The following CNTNAP3B variants were observed in gnomAD, a reference collection of about 807,000 sequenced individuals.
CNTNAP3B encodes contactin-associated protein-like 3B.
CNTNAP3B carries 25 observed loss-of-function variants against 108.9 expected under a neutral mutation model. The observed-to-expected ratio is 0.23, with a 90% CI of 0.17 to 0.32. The LOEUF (loss-of-function observed/expected upper bound fraction) is 0.32, where lower values mean the gene tolerates loss of function less well. CNTNAP3B is among the 10% of genes least tolerant of loss of function. CNTNAP3B has a pLI of 1.00. For synonymous variants in CNTNAP3B, 103 were observed against 473.4 expected, an observed-to-expected ratio of 0.22 and a Z score of 10.16; for missense variants, 252 against 1,210.4, an observed-to-expected ratio of 0.21 and a Z score of 11.75.
intron 3 of CNTNAP3B, among the ~76,000 whole-genome samples, chr9:42,071,317 G>T (rs1333579589): frequency 6.9e-6 from 1 of 145,220 alleles, no homozygotes; most frequent in South Asian, 2.2e-4. Flanking sequence ...ATTTACCCAA[G>T]AAATGAATTG....
Position 41,951,512 on chromosome 9 carries a change from T to G in CNTNAP3B, c.2080+1671A>C, listed in dbSNP as rs1401760737. Among the ~76,000 whole-genome samples the G allele has an allele frequency of 2.0e-5, 3 of 152,068 alleles. No homozygotes were observed. In the East Asian group the frequency reaches 5.8e-4, roughly 29 times the overall value. On this transcript the variant is annotated intron_variant, in intron 13 of 23. Coordinates refer to ENST00000377561, the MANE Select transcript of CNTNAP3B (RefSeq NM_001201380.3). Reference sequence around the variant, plus strand: ...TTACTTACTGAACTTATGTAAGATATCTCATTTATAAAAGAAACCCCATGA... The same window carrying G: ...TTACTTACTGAACTTATGTAAGATAGCTCATTTATAAAAGAAACCCCATGA...
rs565958862 is a variant in CNTNAP3B, at chr9:41,954,794, C to T, written c.1877-1408G>A. On this transcript the variant is annotated intron_variant, in intron 12 of 23. Transcript: ENST00000377561. Reference sequence around the variant, plus strand: ...TGCCTCCTGGGTTCAAGCAGTTCTCCTGTCTCAGCCTCACAAGTAGCTGGG... The same window carrying T: ...TGCCTCCTGGGTTCAAGCAGTTCTCTTGTCTCAGCCTCACAAGTAGCTGGG... Among the ~76,000 whole-genome samples, 6 of 152,384 alleles carry T rather than the reference C, an allele frequency of 3.9e-5. 1 individual carries two copies. The highest frequency in any genetic ancestry group is 1.4e-4 in the African/African-American group (6 of 41,590).
chr9:41,913,413 T>C (rs1289958312), intron 18 of CNTNAP3B, among the ~76,000 whole-genome samples: 1 of 151,874 alleles, frequency 6.6e-6, no homozygotes, highest in Non-Finnish European at 1.5e-5. Flanking sequence ...TGTGTTTCAT[T>C]TGTTTTCTTT....
intron 3 of CNTNAP3B, among the ~76,000 whole-genome samples, chr9:42,051,848 A>C (rs1461522542): frequency 2.6e-5 from 4 of 152,106 alleles, no homozygotes; most frequent in Non-Finnish European, 5.9e-5. Flanking sequence ...GCCGTTCCTA[A>C]ACCTGAATTT....
chr9:41,940,176 A>G, intron 13 of CNTNAP3B, among the ~76,000 whole-genome samples: 1 of 152,420 alleles, frequency 6.6e-6, no homozygotes, highest in Non-Finnish European at 1.5e-5. Flanking sequence ...AGTGTGCTGA[A>G]AGAGTACTGA....
chr9:41,958,199 C>T (rs1186070151), intron 12 of CNTNAP3B, among the ~76,000 whole-genome samples: 1 of 152,222 alleles, frequency 6.6e-6, no homozygotes, highest in African/African-American at 2.4e-5. Flanking sequence ...TCTCCAACTC[C>T]CAGGCTCAAG....
chr9:42,111,086 A>G lies in CNTNAP3B; in HGVS notation c.86-6347T>C, dbSNP rs1306895577. On this transcript the variant is annotated intron_variant, in intron 1 of 23. Transcript: ENST00000377561. ...GGGGCTCACCCTACCACCTGGGGCCAGCACAGGGACAAGCCTCAGGCCTGG... is the reference window on the plus strand; with the variant it reads ...GGGGCTCACCCTACCACCTGGGGCCGGCACAGGGACAAGCCTCAGGCCTGG... Among the ~76,000 whole-genome samples, 20 of 138,532 alleles carry G rather than the reference A, an allele frequency of 1.4e-4. 5 individuals are homozygous for G. The highest frequency in any genetic ancestry group is 5.7e-4 in the African/African-American group (20 of 34,824). 90.9% of individuals were successfully genotyped at this position (138,532 alleles called of 152,430 possible).
chr9:42,054,663 T>G (rs1827024059), intron 3 of CNTNAP3B, among the ~76,000 whole-genome samples: 1 of 151,654 alleles, frequency 6.6e-6, no homozygotes, highest in East Asian at 1.9e-4. Context: ...TCATTCAACA[T>G]TAAACATGGG....
At chr9:42,055,570 A>C (rs1330971032) in intron 3 of CNTNAP3B, among the ~76,000 whole-genome samples, 2 of 128,170 alleles carry the variant, frequency 1.6e-5, no homozygotes, top group Non-Finnish European at 3.2e-5. Context: ...AAATTCCTAG[A>C]AGTAGCATTG....
chr9:41,921,678 A>G (rs2117950269), intron 17 of CNTNAP3B, among the ~76,000 whole-genome samples: 1 of 152,418 alleles, frequency 6.6e-6, no homozygotes, highest in East Asian at 1.9e-4. Context: ...TAAAACAGTA[A>G]GTAAGCAAAC....
At chr9:42,084,342 C>T (rs1587258622) in intron 2 of CNTNAP3B, among the ~76,000 whole-genome samples, 1 of 117,544 alleles carries the variant, frequency 8.5e-6, no homozygotes, top group African/African-American at 3.4e-5. Flanking sequence ...GGGGCATATG[C>T]GGAGAGGGCT....
intron 13 of CNTNAP3B, among the ~76,000 whole-genome samples, chr9:41,940,466 A>C (rs1824303419): frequency 6.6e-6 from 1 of 152,310 alleles, no homozygotes. Context: ...GATAGAAAAG[A>C]ATTGTCAACT....
chr9:41,952,489 G>C (rs1180297541), intron 13 of CNTNAP3B, among the ~76,000 whole-genome samples: 1 of 152,276 alleles, frequency 6.6e-6, no homozygotes, highest in Non-Finnish European at 1.5e-5. Context: ...TATGGAAACT[G>C]TTGGAGAGCA....
chr9:42,077,666 C>A (rs1344682375), intron 2 of CNTNAP3B, among the ~76,000 whole-genome samples: 1 of 128,362 alleles, frequency 7.8e-6, no homozygotes, highest in Non-Finnish European at 1.6e-5. Flanking sequence ...TATGGAGTAG[C>A]AAATGGTCAA....
chr9:42,113,504 C>T (rs1208028410), intron 1 of CNTNAP3B, among the ~76,000 whole-genome samples: 1 of 139,028 alleles, frequency 7.2e-6, no homozygotes, highest in Non-Finnish European at 1.5e-5. Context: ...AAAATTAAGT[C>T]GTGCAGAAAG....
intron 2 of CNTNAP3B, among the ~76,000 whole-genome samples, chr9:42,088,479 G>C (rs1827749609): frequency 7.2e-6 from 1 of 138,798 alleles, no homozygotes; most frequent in African/African-American, 2.9e-5. Context: ...TATTTTAGAT[G>C]AATTTTAAAG....
At position 42,128,306 on chromosome 9, in the gene CNTNAP3B, T is replaced by G. The variant is rs28623704; in HGVS notation, c.85+704A>C. 2.1e-5 allele frequency among the ~76,000 whole-genome samples: 3 copies of G among 139,562 alleles called. 1 individual carries two copies. The highest frequency in any genetic ancestry group is 5.7e-5 in the African/African-American group (2 of 35,168). The allele number at this position is 139,562 out of a possible 152,430, so 91.6% of individuals were successfully genotyped here. A position where few individuals can be genotyped will look rare whatever the true frequency, so the allele number is the denominator to read the frequency against. On this transcript the variant is annotated intron_variant, in intron 1 of 23. Coordinates refer to ENST00000377561, the MANE Select transcript of CNTNAP3B (RefSeq NM_001201380.3). ...CTTCCTAGGTGTTTACCAAATTAAG[T>G]AAAATAAAAAACAGGGAACCCGATG...
chr9:41,925,170 T>C (rs1261067625), intron 15 of CNTNAP3B, among the ~76,000 whole-genome samples: 1 of 150,206 alleles, frequency 6.7e-6, no homozygotes. Flanking sequence ...AGTTTAAAAT[T>C]TTTTCATCCA....
At chr9:41,941,458 A>G (rs1824340061) in intron 13 of CNTNAP3B, among the ~76,000 whole-genome samples, 1 of 151,412 alleles carries the variant, frequency 6.6e-6, no homozygotes, top group Admixed American at 6.6e-5. Context: ...TTACATAATG[A>G]TTTAAAAAAA....
Sources: gnomAD v4.1 joint callset for allele counts (sites outside exome capture counted in the v4.1 genomes callset) on GRCh38, gnomAD v4.1.1 for gene constraint, MANE v1.5 for transcripts, NCBI Gene and HGNC (gene_info 2026-07-23, HGNC 2026-07-21) for gene names.